GSN: variants seen among roughly 807,000 people sequenced by gnomAD.
GSN encodes the protein gelsolin.
GSN carries 56 observed loss-of-function variants against 85.7 expected under a neutral mutation model. The ratio of observed to expected loss-of-function variants is 0.65; its 90% CI spans 0.53 to 0.82. The LOEUF (loss-of-function observed/expected upper bound fraction) is 0.82. Ranked by LOEUF, GSN falls within the 40% of genes least tolerant of loss-of-function variation. GSN has a pLI of 0.00. For missense variants in GSN, 857 were observed against 979.8 expected (o/e 0.87, Z 1.67); for synonymous variants, 373 against 399.1 (o/e 0.93, Z 0.78).
chr9:121,294,869 C>A (rs2059059906), intron 2 of GSN, among the ~76,000 whole-genome samples: 1 of 152,198 alleles, frequency 6.6e-6, no homozygotes, highest in Admixed American at 6.5e-5. Context: ...AACACTGCTG[C>A]TAATAAGTCC....
At chr9:121,202,385 G>A in the GSN span, among the ~76,000 whole-genome samples, 2 of 152,158 alleles carry the variant, frequency 1.3e-5, no homozygotes, top group Non-Finnish European at 2.9e-5. Context: ...TCGGAGGCAC[G>A]CATCCCCATT....
intron 5 of GSN, among the ~76,000 whole-genome samples, chr9:121,236,385 A>T (rs990338626): frequency 6.6e-6 from 1 of 151,754 alleles, no homozygotes; most frequent in African/African-American, 2.4e-5. Context: ...ACGGCCGGCA[A>T]ATTTTTGTAT....
chr9:121,220,054 A>C (rs996258714), intron 4 of GSN, among the ~76,000 whole-genome samples: 13 of 151,820 alleles, frequency 8.6e-5, no homozygotes, highest in African/African-American at 2.9e-4. Flanking sequence ...GCTAATTTTT[A>C]GTATTTTTAG....
chr9:121,209,981 C>CACACAT (rs2132068544), intron 2 of GSN, among the ~76,000 whole-genome samples: 1 of 152,292 alleles, frequency 6.6e-6, no homozygotes, highest in South Asian at 2.1e-4. Context: ...GTGCCATGAA[C>CACACAT]ACACATACAC....
At chr9:121,233,033 T>C (rs189394269) in intron 5 of GSN, among the ~76,000 whole-genome samples, 1 of 152,306 alleles carries the variant, frequency 6.6e-6, no homozygotes, top group East Asian at 1.9e-4. Flanking sequence ...TCCTCAGCCC[T>C]TGAATACTGG....
At chr9:121,268,901 A>G (rs1044323762) in intron 1 of GSN, among the ~76,000 whole-genome samples, 24 of 152,136 alleles carry the variant, frequency 1.6e-4, no homozygotes, top group African/African-American at 5.3e-4. Flanking sequence ...AATAACAGCA[A>G]CTTCCCTCTG....
chr9:121,286,935 A>T (rs974047973), intron 2 of GSN, among the ~76,000 whole-genome samples: 1 of 152,220 alleles, frequency 6.6e-6, no homozygotes, highest in Non-Finnish European at 1.5e-5. Flanking sequence ...TCAACAAGAC[A>T]ATGCTTATAA....
At chr9:121,276,013 C>G (rs928890806) in intron 1 of GSN, among the ~76,000 whole-genome samples, 1 of 152,136 alleles carries the variant, frequency 6.6e-6, no homozygotes, top group African/African-American at 2.4e-5. Flanking sequence ...ATCTGGCAAC[C>G]CTACCCACCT....
At chr9:121,310,459 T>C (rs1437227152) in intron 4 of GSN, 1 of 585,308 alleles carries the variant, frequency 1.7e-6, no homozygotes, top group Non-Finnish European at 3.1e-6. Context: ...CTGTGTGGCC[T>C]TGGGCAAATT....
In GSN at chr9:121,321,294, G is replaced by T. The variant is rs2062409766; in HGVS notation, c.1218G>T (p.Lys406Asn). The change falls in exon 11 of 18, where the codon AAG becomes AAT. Residue 406 changes from lysine to asparagine, a missense_variant. By Grantham distance (94) the Lys-to-Asn change is moderately conservative. Coordinates refer to ENST00000432226, the MANE Select transcript of GSN (RefSeq NM_198252.3). ...KQIWRIEGSN[K>N]VPVDPATYGQ... is the part of the protein sequence containing the mutation. ...TCTGGAGAATCGAAGGTTCCAACAA[G>T]GTGCCCGTGGACCCTGCCACATATG... 1.9e-6 allele frequency: 3 copies of T among 1,613,954 alleles called. No homozygotes were observed. The highest frequency in any genetic ancestry group is 2.5e-6 in the Non-Finnish European group (3 of 1,179,920).
At chr9:121,274,317 C>T (rs1409447970) in intron 1 of GSN, among the ~76,000 whole-genome samples, 2 of 152,020 alleles carry the variant, frequency 1.3e-5, no homozygotes, top group Non-Finnish European at 2.9e-5. Flanking sequence ...ATTATTCTAT[C>T]TTTGGTGTGC....
intron 4 of GSN, among the ~76,000 whole-genome samples, chr9:121,225,122 T>C (rs1380442136): frequency 6.6e-6 from 1 of 152,170 alleles, no homozygotes; most frequent in Non-Finnish European, 1.5e-5. Flanking sequence ...CCCAGCCAAA[T>C]GTAAAATAAA....
Position 121,282,717 on chromosome 9 carries a change from C to T in GSN, c.-10+1155C>T, listed in dbSNP as rs3810942. 182,315 of 412,926 alleles carry T rather than the reference C, an allele frequency of 0.44. 44,341 individuals carry two copies. The highest frequency in any genetic ancestry group is 0.61 in the South Asian group (4,263 of 7,046). The allele number at this position is 412,926 out of a possible 1,614,324, so 25.6% of individuals were successfully genotyped here. Reference sequence around the variant, plus strand: ...TGCCCTAATAGGAGGACTTGAGGGCCGGGTCTTGGCTCTGATGCATCTGCC... The same window carrying T: ...TGCCCTAATAGGAGGACTTGAGGGCTGGGTCTTGGCTCTGATGCATCTGCC... On this transcript the variant is annotated intron_variant, in intron 2 of 17. Coordinates refer to ENST00000432226, the MANE Select transcript of GSN (RefSeq NM_198252.3).
chr9:121,265,319 T>C (rs1314198280), upstream of GSN: 3 of 152,228 alleles, frequency 2.0e-5, no homozygotes, highest in African/African-American at 7.2e-5. Context: ...GACACCCTTC[T>C]AGTCATTTAA....
chr9:121,320,132 C>A (rs1305019954), intron 10 of GSN, among the ~76,000 whole-genome samples: 2 of 152,142 alleles, frequency 1.3e-5, no homozygotes, highest in African/African-American at 4.8e-5. Flanking sequence ...GGGTTTCATC[C>A]CACTCCATCA....
At chr9:121,294,491 C>T (rs1222558172) in intron 2 of GSN, among the ~76,000 whole-genome samples, 1 of 152,146 alleles carries the variant, frequency 6.6e-6, no homozygotes, top group African/African-American at 2.4e-5. Context: ...AGTAGCAGGG[C>T]CAGGCCCCTC....
chr9:121,299,265 G>C lies in GSN; in HGVS notation c.-9-2698G>C. On this transcript the variant is annotated intron_variant, in intron 2 of 17. Transcript: ENST00000432226. The surrounding 1 kb of genome is among the most constrained non-coding windows in gnomAD (Gnocchi z 4.2). ...CCTCTGAGTCCTGCCGGCTTCACCT[G>C]CCCACGGGAGCCGGGTCCCCTGCCC... 2.0e-6 allele frequency: 2 copies of C among 984,600 alleles called. No individual in the cohort carries two copies. The highest frequency in any genetic ancestry group is 2.4e-6 in the Non-Finnish European group (2 of 829,174). The allele number at this position is 984,600 out of a possible 1,614,324, so 61.0% of individuals were successfully genotyped here.
chr9:121,288,162 A>G (rs1332509723), intron 2 of GSN, among the ~76,000 whole-genome samples: 1 of 152,008 alleles, frequency 6.6e-6, no homozygotes, highest in African/African-American at 2.4e-5. Flanking sequence ...CCTGAACTCA[A>G]TGGATTCCTC....
intron 8 of GSN, 28 bp downstream of exon 8, chr9:121,317,246 C>G: frequency 6.2e-7 from 1 of 1,613,018 alleles, no homozygotes; most frequent in Non-Finnish European, 8.5e-7. Flanking sequence ...AGGGTCCCAA[C>G]TGGCCTGTAG....
Sources: allele counts gnomAD v4.1 joint callset (sites outside exome capture counted in the v4.1 genomes callset), GRCh38; gene constraint gnomAD v4.1.1; non-coding constraint Gnocchi (gnomAD v3.1); transcripts MANE v1.5; gene names NCBI Gene and HGNC (gene_info 2026-07-23, HGNC 2026-07-21).